The following HMSD variants were observed in gnomAD, a reference collection of about 807,000 sequenced individuals.
The protein encoded by HMSD is histocompatibility minor serpin domain containing.
Under a neutral mutation model 10.0 loss-of-function variants are expected in HMSD, and 13 were observed. The ratio of observed to expected loss-of-function variants is 1.31; its 90% CI spans 0.85 to 2.08. The LOEUF is 2.08. Ranked by LOEUF, HMSD falls within the 30% of genes most tolerant of loss-of-function variation. The pLI, the probability that HMSD is intolerant of heterozygous loss-of-function variation, is 0.00. For synonymous variants in HMSD, 51 were observed against 54.2 expected (o/e 0.94, Z 0.26); for missense variants, 169 against 166.3 (o/e 1.02, Z -0.09).
intron 3 of HMSD, chr18:63,968,372 T>A (rs1250231458): frequency 6.6e-6 from 1 of 152,244 alleles, no homozygotes; most frequent in Non-Finnish European, 1.5e-5. Flanking sequence ...ACCAACAGCG[T>A]CCACATGGCC....
chr18:63,955,506 T>C (rs1376657053), intron 3 of HMSD, among the ~76,000 whole-genome samples: 1 of 152,168 alleles, frequency 6.6e-6, no homozygotes, highest in Non-Finnish European at 1.5e-5. Flanking sequence ...TTTGAGGTTT[T>C]CATAAATATT....
intron 1 of HMSD, among the ~76,000 whole-genome samples, chr18:63,951,483 T>G (rs2050330265): frequency 6.6e-6 from 1 of 152,218 alleles, no homozygotes; most frequent in Non-Finnish European, 1.5e-5. Flanking sequence ...ATGGGAGTGA[T>G]AGATTACTCA....
At chr18:63,956,711 C>A (rs1223639794) in intron 3 of HMSD, among the ~76,000 whole-genome samples, 1 of 152,158 alleles carries the variant, frequency 6.6e-6, no homozygotes. Flanking sequence ...CCATTTGACC[C>A]AGCAATCCCA....
chr18:63,966,205 T>C (rs1326915602), downstream of HMSD, among the ~76,000 whole-genome samples: 1 of 152,238 alleles, frequency 6.6e-6, no homozygotes, highest in African/African-American at 2.4e-5. Flanking sequence ...ACAGCCATTA[T>C]GTTTTGGATT....
At chr18:63,965,176 G>C (rs574266858), downstream of HMSD, among the ~76,000 whole-genome samples, 29 of 151,048 alleles carry the variant, frequency 1.9e-4, no homozygotes, top group African/African-American at 6.3e-4. Context: ...CTGGCTTGAG[G>C]GTGTGCAGCT....
chr18:63,954,684 A>G, intron 3 of HMSD, 127 bp downstream of exon 3: 2 of 719,740 alleles, frequency 2.8e-6, no homozygotes, highest in South Asian at 4.0e-5. Context: ...TCTCACACGC[A>G]TCTTGTGATT....
At chr18:63,957,738 G>A (rs939007604) in intron 3 of HMSD, among the ~76,000 whole-genome samples, 1 of 152,046 alleles carries the variant, frequency 6.6e-6, no homozygotes, top group African/African-American at 2.4e-5. Context: ...TCAATTCGTG[G>A]TGGATATTTT....
At chr18:63,950,415 C>CAAAAA (rs562421091) in intron 1 of HMSD, among the ~76,000 whole-genome samples, 808 of 39,004 alleles carry the variant, frequency 0.021, 114 homozygotes, top group African/African-American at 0.051. Flanking sequence ...GACTCTCTCT[C>CAAAAA]AAAAAAAAAA....
intron 3 of HMSD, among the ~76,000 whole-genome samples, chr18:63,968,991 T>C (rs2050426909): frequency 6.6e-6 from 1 of 152,178 alleles, no homozygotes; most frequent in South Asian, 2.1e-4. Context: ...AAGAGATCTT[T>C]ACTTAATTGG....
downstream of HMSD, among the ~76,000 whole-genome samples, chr18:63,964,014 T>C (rs113464273): frequency 2.6e-5 from 4 of 152,324 alleles, no homozygotes; most frequent in African/African-American, 9.6e-5. Flanking sequence ...CTGGCAACTA[T>C]ATCCCTACCA....
chr18:63,960,191 G>C lies in HMSD; in HGVS notation c.256G>C (p.Ala86Pro). Reference sequence around the variant, plus strand: ...AGATTCCTGTGGCAAATTCTACCAAGCAACGATAAAACAGCTAGACTTTGT... The same window carrying C: ...AGATTCCTGTGGCAAATTCTACCAACCAACGATAAAACAGCTAGACTTTGT... Reference protein sequence around the residue: ...FTDSCGKFYQATIKQLDFVND... With the variant: ...FTDSCGKFYQPTIKQLDFVND... Residue 86 changes from alanine to proline, a missense_variant, in exon 4 of 4, where the codon GCA becomes CCA. Coordinates refer to ENST00000408945, the MANE Select transcript of HMSD (RefSeq NM_001123366.2). The C allele has an allele frequency of 6.2e-7, 1 of 1,612,566 alleles. No homozygotes were observed. The highest frequency in any genetic ancestry group is 1.1e-5 in the South Asian group (1 of 90,372).
In HMSD at chr18:63,954,555, A is replaced by T. The variant is rs1371353236; in HGVS notation, c.220A>T (p.Thr74Ser). The T allele has an allele frequency of 6.2e-7, 1 of 1,608,714 alleles. No individual in the cohort carries two copies. The highest frequency in any genetic ancestry group is 8.5e-7 in the Non-Finnish European group (1 of 1,176,602). ...LFGEKSYDFL[T>S]GFTDSCGKFY... ...TGGAGAAAAGTCTTATGATTTCCTC[A>T]CAGTAAGTCATACTTGTTTATTAGG... Residue 74 changes from threonine to serine, a missense_variant and splice_region_variant, in exon 3 of 4, where the codon ACA (threonine) becomes TCA (serine). Physicochemically the swap from Thr to Ser is moderately conservative, Grantham distance 58. Coordinates refer to ENST00000408945, the MANE Select transcript of HMSD (RefSeq NM_001123366.2).
intron 3 of HMSD, among the ~76,000 whole-genome samples, chr18:63,958,870 G>GTTT (rs2050372396): frequency 6.6e-6 from 1 of 152,020 alleles, no homozygotes; most frequent in Admixed American, 6.6e-5. Context: ...TGGAACAACA[G>GTTT]ACTCATATTT....
chr18:63,952,366 A>T (rs1599107200), intron 1 of HMSD, among the ~76,000 whole-genome samples: 1 of 152,318 alleles, frequency 6.6e-6, no homozygotes, highest in East Asian at 1.9e-4. Flanking sequence ...AAGCACAATG[A>T]CCAAATGACA....
downstream of HMSD, among the ~76,000 whole-genome samples, chr18:63,963,105 C>A (rs924555066): frequency 3.1e-5 from 4 of 130,800 alleles, no homozygotes; most frequent in African/African-American, 6.7e-5. Context: ...TTCTTTCTTT[C>A]TTTCTTTCTT....
At chr18:63,963,048 TTCTTTCTTTCTTTCTTTTCTTTC>T (rs1276625790), downstream of HMSD, among the ~76,000 whole-genome samples, 36 of 124,476 alleles carry the variant, frequency 2.9e-4, no homozygotes, top group African/African-American at 1.4e-3. Context: ...AGATGTAGTT[TTCTTTCTTTCTTTCTTTTCTTTC>T]TCTTTCTTTC....
chr18:63,967,137 T>C (rs1286543346), intron 3 of HMSD, among the ~76,000 whole-genome samples: 1 of 80,860 alleles, frequency 1.2e-5, no homozygotes, highest in Non-Finnish European at 2.3e-5. Flanking sequence ...GTGAGACTCT[T>C]TGTTTTTTGT....
intron 3 of HMSD, among the ~76,000 whole-genome samples, chr18:63,958,076 A>G (rs2050368359): frequency 6.6e-6 from 1 of 152,174 alleles, no homozygotes; most frequent in African/African-American, 2.4e-5. Context: ...TAATTTCCAA[A>G]CCACTGAAAA....
At chr18:63,957,281 G>C (rs2050363573) in intron 3 of HMSD, among the ~76,000 whole-genome samples, 2 of 150,088 alleles carry the variant, frequency 1.3e-5, no homozygotes, top group Non-Finnish European at 2.9e-5. Flanking sequence ...CGATAGGGAA[G>C]GGTTAATACA....
Sources: allele counts gnomAD v4.1 joint callset (sites outside exome capture counted in the v4.1 genomes callset), GRCh38; gene constraint gnomAD v4.1.1; transcripts MANE v1.5; gene names NCBI Gene and HGNC (gene_info 2026-07-23, HGNC 2026-07-21).